Variants in CNTNAP5 observed in about 807,000 individuals in gnomAD.
CNTNAP5 encodes the protein contactin associated protein family member 5, also known as contactin-associated protein-like 5.
CNTNAP5 carries 72 observed loss-of-function variants against 150.2 expected under a neutral mutation model. The ratio of observed to expected loss-of-function variants is 0.48; its 90% CI spans 0.40 to 0.58. The LOEUF (loss-of-function observed/expected upper bound fraction) is 0.58, where lower values mean the gene tolerates loss of function less well. Among genes scored for constraint, CNTNAP5 ranks in the 20% least tolerant of loss-of-function variants. The pLI is 0.00. For synonymous variants in CNTNAP5, 672 were observed against 619.8 expected (o/e 1.08, Z -1.25); for missense variants, 1,636 against 1,626.2 (o/e 1.01, Z -0.10).
At chr2:124,839,422 A>ACT (rs1491428945) in intron 19 of CNTNAP5, among the ~76,000 whole-genome samples, 31 of 135,896 alleles carry the variant, frequency 2.3e-4, no homozygotes, top group African/African-American at 9.2e-4. Context: ...CAAAAATGAC[A>ACT]CACACTCTCT....
chr2:124,205,678 A>T (rs945755101), intron 1 of CNTNAP5, among the ~76,000 whole-genome samples: 1 of 152,192 alleles, frequency 6.6e-6, no homozygotes, highest in Non-Finnish European at 1.5e-5. Context: ...CTGGGATTAT[A>T]GGCGTAAGCC....
intron 5 of CNTNAP5, 110 bp from the exon 6 acceptor site, chr2:124,446,643 T>C (rs528944369): frequency 2.0e-6 from 2 of 1,022,646 alleles, no homozygotes; most frequent in East Asian, 2.6e-5. Flanking sequence ...TAGGGAGACA[T>C]CATTCTTTGC....
rs150113033 is a variant in CNTNAP5, at chr2:124,188,960, C to T, written c.83-32745C>T. ...CTGGCCTAAATGAGTGAATCCAAGA[C>T]CGCATATAATGGGATTTCAGTATTT... On this transcript the variant is annotated intron_variant, in intron 1 of 23. Transcript: ENST00000682447. 4.6e-5 allele frequency among the ~76,000 whole-genome samples: 7 copies of T among 152,192 alleles called. No individual in the cohort carries two copies. The East Asian group carries it at 1.4e-3, about 30-fold the overall frequency.
intron 19 of CNTNAP5, among the ~76,000 whole-genome samples, chr2:124,855,167 C>CTTTTTTTTTTTTTTT (rs70999224): frequency 1.4e-5 from 1 of 71,434 alleles, no homozygotes; most frequent in Non-Finnish European, 2.8e-5. Flanking sequence ...TGGGCTTTTG[C>CTTTTTTTTTTTTTTT]TTTTTTTTTT....
rs970725085 is a variant in CNTNAP5 at position 124,479,709 on chromosome 2, T to A, written c.1062+4827T>A. Among the ~76,000 whole-genome samples the A allele has an allele frequency of 2.0e-5, 3 of 152,174 alleles. No homozygotes were observed. In the South Asian group the frequency reaches 6.2e-4, roughly 32 times the overall value. On this transcript the variant is annotated intron_variant, in intron 7 of 23. Coordinates refer to ENST00000682447, the MANE Select transcript of CNTNAP5 (RefSeq NM_001367498.1). Reference sequence around the variant, plus strand: ...TGCTAAATAATCACAAAATGCCTTTTCTTTTGTCCTAGAGGGAAACCCAAA... The same window carrying A: ...TGCTAAATAATCACAAAATGCCTTTACTTTTGTCCTAGAGGGAAACCCAAA...
At position 124,025,747 on chromosome 2, in the gene CNTNAP5, C is replaced by G. The variant is rs1279636136; in HGVS notation, c.82+15C>G. On this transcript the variant is annotated intron_variant, in intron 1 of 23. Coordinates refer to ENST00000682447, the MANE Select transcript of CNTNAP5 (RefSeq NM_001367498.1). The stretch of plus-strand genomic sequence containing the variant: ...AGCGACAAACTGTGAGTACGAGGAG[C>G]TGGGGGCGGGAAGGTGAGGTGGAAA... The G allele has an allele frequency of 6.2e-7, 1 of 1,600,336 alleles. No individual in the cohort carries two copies. Among genetic ancestry groups the G allele is most frequent in the Admixed American group, 1.7e-5 (1 of 60,000 alleles).
chr2:124,077,254 C>A (rs533810335), intron 1 of CNTNAP5, among the ~76,000 whole-genome samples: 1 of 152,020 alleles, frequency 6.6e-6, no homozygotes, highest in Non-Finnish European at 1.5e-5. Flanking sequence ...GATAACATAC[C>A]TCTAAATACG....
intron 20 of CNTNAP5, among the ~76,000 whole-genome samples, chr2:124,868,156 G>A (rs1203521849): frequency 6.6e-6 from 1 of 152,128 alleles, no homozygotes; most frequent in Non-Finnish European, 1.5e-5. Context: ...TTCCCTGGCT[G>A]TCTATCCTCA....
intron 19 of CNTNAP5, among the ~76,000 whole-genome samples, chr2:124,836,900 A>T (rs1421252724): frequency 2.6e-5 from 4 of 152,144 alleles, no homozygotes; most frequent in African/African-American, 9.7e-5. Flanking sequence ...TGAATTGCGA[A>T]TAATAAATAA....
chr2:124,569,831 C>G (rs967486777), intron 11 of CNTNAP5, among the ~76,000 whole-genome samples: 5 of 152,204 alleles, frequency 3.3e-5, no homozygotes, highest in Non-Finnish European at 7.3e-5. Flanking sequence ...ATCAAGTCAT[C>G]TGGCTATCAG....
chr2:124,546,364 A>ATGTG (rs144497613), intron 10 of CNTNAP5, among the ~76,000 whole-genome samples: 19,965 of 150,518 alleles, frequency 0.13, 1,362 homozygotes, highest in South Asian at 0.19. Context: ...GGATTTCTCA[A>ATGTG]TGTGTGTGTG....
rs531692143 is a variant in CNTNAP5 at position 124,449,440 on chromosome 2, T to C, written c.918+2503T>C. Among the ~76,000 whole-genome samples, 8 of 152,308 alleles carry C rather than the reference T, an allele frequency of 5.3e-5. No individual in the cohort carries two copies. In the East Asian group the frequency reaches 1.5e-3, roughly 29 times the overall value. ...GTCTCGTCATTCCCCCGACATACTT[T>C]CCCTTTAATGTCCCAGAAGATGGTT... On this transcript the variant is annotated intron_variant, in intron 6 of 23. Coordinates refer to ENST00000682447, the MANE Select transcript of CNTNAP5 (RefSeq NM_001367498.1).
At chr2:124,213,376 C>G (rs756155650) in intron 1 of CNTNAP5, among the ~76,000 whole-genome samples, 1 of 151,996 alleles carries the variant, frequency 6.6e-6, no homozygotes, top group African/African-American at 2.4e-5. Context: ...AGAATCAAAT[C>G]GTGAGAAAGA....
At chr2:124,538,852 A>T (rs1695309703) in intron 10 of CNTNAP5, among the ~76,000 whole-genome samples, 1 of 152,194 alleles carries the variant, frequency 6.6e-6, no homozygotes, top group Non-Finnish European at 1.5e-5. Flanking sequence ...CTTGGTATTG[A>T]TTCCTTTACA....
chr2:124,454,217 G>T (rs1325196797), intron 6 of CNTNAP5, among the ~76,000 whole-genome samples: 1 of 152,176 alleles, frequency 6.6e-6, no homozygotes, highest in Non-Finnish European at 1.5e-5. Flanking sequence ...GACATTCCAT[G>T]AAAATGGACA....
At chr2:124,497,723 C>T (rs958026502) in intron 7 of CNTNAP5, among the ~76,000 whole-genome samples, 10 of 152,250 alleles carry the variant, frequency 6.6e-5, no homozygotes, top group East Asian at 5.8e-4. Context: ...AATGAACATA[C>T]GAGAGTCCAG....
At chr2:124,799,760 G>A (rs1681927046) in intron 19 of CNTNAP5, among the ~76,000 whole-genome samples, 1 of 152,206 alleles carries the variant, frequency 6.6e-6, no homozygotes, top group Non-Finnish European at 1.5e-5. Flanking sequence ...ATGATCAAAT[G>A]CTGAATCAGG....
chr2:124,106,259 C>G (rs748901904), intron 1 of CNTNAP5, among the ~76,000 whole-genome samples: 3 of 152,162 alleles, frequency 2.0e-5, no homozygotes, highest in Non-Finnish European at 4.4e-5. Flanking sequence ...ACATACAGCT[C>G]CTAAAGTCCT....
chr2:124,877,125 G>T (rs1432234164), intron 21 of CNTNAP5, among the ~76,000 whole-genome samples: 1 of 152,008 alleles, frequency 6.6e-6, no homozygotes, highest in Non-Finnish European at 1.5e-5. Context: ...AGGAATGTGT[G>T]TTATCTTCTG....
Sources: allele counts gnomAD v4.1 joint callset (sites outside exome capture counted in the v4.1 genomes callset), GRCh38; gene constraint gnomAD v4.1.1; transcripts MANE v1.5; gene names NCBI Gene and HGNC (gene_info 2026-07-23, HGNC 2026-07-21).